ZNF99: variants seen among roughly 807,000 people sequenced by gnomAD.
ZNF99 encodes the protein zinc finger protein 99.
Under a neutral mutation model 12.8 loss-of-function variants are expected in ZNF99, and 8 were observed. That is an observed-to-expected ratio of 0.62 (90% CI 0.37 to 1.13). The LOEUF (loss-of-function observed/expected upper bound fraction) is 1.13. Ranked by LOEUF, ZNF99 falls within the 50% of genes most tolerant of loss-of-function variation. The probability of loss-of-function intolerance (pLI) is 0.02; values close to 1 mark genes in which losing one functional copy is unlikely to be tolerated. For synonymous variants in ZNF99, 318 were observed against 319.0 expected (o/e 1.00, Z 0.03); for missense variants, 1,007 against 1,006.2 (o/e 1.00, Z -0.01).
intron 3 of ZNF99, among the ~76,000 whole-genome samples, chr19:22,763,254 C>G (rs1292499565): frequency 2.6e-5 from 4 of 152,080 alleles, no homozygotes; most frequent in Non-Finnish European, 5.9e-5. Context: ...TTCAAGAAAG[C>G]TCCTAGAAGT....
At chr19:22,783,915 G>C in intron 1 of ZNF99, 99 bp downstream of exon 1, 3 of 1,468,870 alleles carry the variant, frequency 2.0e-6, no homozygotes, top group Non-Finnish European at 2.9e-6. Context: ...GCAGACTGTG[G>C]AGCTCACTGA....
At chr19:22,764,260 G>A (rs1973181767) in intron 3 of ZNF99, among the ~76,000 whole-genome samples, 1 of 151,996 alleles carries the variant, frequency 6.6e-6, no homozygotes, top group African/African-American at 2.4e-5. Context: ...ACATGTAGGA[G>A]AATAAAACTG....
rs888128784 is a variant in ZNF99 at position 22,755,938 on chromosome 19, C to T, written c.*1376G>A. The T allele has an allele frequency of 1.4e-5, 6 of 419,142 alleles. No homozygotes were observed. The highest frequency in any genetic ancestry group is 8.1e-5 in the African/African-American group (4 of 49,274). 26.0% of individuals were successfully genotyped at this position (419,142 alleles called of 1,614,324 possible). Reference sequence around the variant, plus strand: ...TGAGCAATGGTTAAAAGCTTTGTCACCTTTATTATATTTGTAGGGTTTTCC... The same window carrying T: ...TGAGCAATGGTTAAAAGCTTTGTCATCTTTATTATATTTGTAGGGTTTTCC... On this transcript the variant is annotated 3_prime_UTR_variant, in exon 4 of 4. Transcript: ENST00000596209.
In ZNF99 at chr19:22,753,086, A is replaced by C. The variant is rs1025924422; in HGVS notation, c.*4228T>G. The stretch of plus-strand genomic sequence containing the variant: ...TGCTTTCACATGTAAATAAAGTAGG[A>C]ATGAAGAGCATGAAGTAACTTGAGA... On this transcript the variant is annotated 3_prime_UTR_variant, in exon 4 of 4. Coordinates refer to ENST00000596209, the MANE Select transcript of ZNF99 (RefSeq NM_001080409.3). 1.3e-5 allele frequency: 2 copies of C among 152,146 alleles called. No homozygotes were observed. Among genetic ancestry groups the C allele is most frequent in the African/African-American group, 4.8e-5 (2 of 41,462 alleles). 9.4% of individuals were successfully genotyped at this position (152,146 alleles called of 1,614,324 possible). A position where few individuals can be genotyped will look rare whatever the true frequency, so the allele number is the denominator to read the frequency against.
chr19:22,759,232 T>C lies in ZNF99; in HGVS notation c.677A>G (p.Asp226Gly). The C allele has an allele frequency of 6.4e-7, 1 of 1,559,476 alleles. No individual in the cohort carries two copies. The highest frequency in any genetic ancestry group is 8.7e-7 in the Non-Finnish European group (1 of 1,152,700). Residue 226 changes from aspartate (D) to glycine (G), a missense_variant, in exon 4 of 4, where the codon GAC becomes GGC. Asp to Gly is a moderately conservative substitution (Grantham distance 94, BLOSUM62 -1). Transcript: ENST00000596209. Reference protein sequence around the residue: ...LIKHKIIHTEDKPYKYKKCGK... With the variant: ...LIKHKIIHTEGKPYKYKKCGK... ...ACATTTCTTATATTTGTAGGGTTTG[T>C]CTTCAGTATGAATTATCTTATGTTT...
chr19:22,770,120 G>GCC (rs1351890244), intron 1 of ZNF99: 5 of 845,234 alleles, frequency 5.9e-6, no homozygotes, highest in Non-Finnish European at 7.7e-6. Flanking sequence ...CCTGTTTTTG[G>GCC]CCCCAAAAGA....
chr19:22,767,835 T>G (rs1973221396), intron 3 of ZNF99, among the ~76,000 whole-genome samples: 1 of 152,162 alleles, frequency 6.6e-6, no homozygotes, highest in Non-Finnish European at 1.5e-5. Context: ...TTCAACAGAC[T>G]GTACAAGAAG....
chr19:22,769,430 T>C, intron 1 of ZNF99, 106 bp from the exon 2 acceptor site: 4 of 1,271,408 alleles, frequency 3.1e-6, no homozygotes, highest in Non-Finnish European at 4.3e-6. Flanking sequence ...AGGTTCTAAC[T>C]TACAGGGATG....
chr19:22,757,733 T>C lies in ZNF99; in HGVS notation c.2176A>G (p.Ile726Val). ...TTGTAGGGTTTCTCTCCAGTATGAATTATCTCATGTTTTCTAAGAGTTGAG... is the reference window on the plus strand; with the variant it reads ...TTGTAGGGTTTCTCTCCAGTATGAACTATCTCATGTTTTCTAAGAGTTGAG... ...QSSTLRKHEI[I>V]HTGEKPYKCE... Residue 726 changes from isoleucine (I) to valine (V), a missense_variant, in exon 4 of 4, where the codon ATT becomes GTT. Physicochemically the swap from Ile to Val is conservative, Grantham distance 29. Coordinates refer to ENST00000596209, the MANE Select transcript of ZNF99 (RefSeq NM_001080409.3). 3 of 1,612,384 alleles carry C rather than the reference T, an allele frequency of 1.9e-6. No individual in the cohort carries two copies. The highest frequency in any genetic ancestry group is 2.7e-5 in the African/African-American group (2 of 74,762).
At chr19:22,770,102 C>G in intron 1 of ZNF99, 1 of 976,480 alleles carries the variant, frequency 1.0e-6, no homozygotes, top group Non-Finnish European at 1.3e-6. Context: ...ACAAGCTCAC[C>G]AGTAATGCCT....
intron 3 of ZNF99, among the ~76,000 whole-genome samples, chr19:22,766,745 G>A (rs926717502): frequency 5.3e-5 from 8 of 150,848 alleles, no homozygotes; most frequent in Admixed American, 1.3e-4. Flanking sequence ...TCCGCCTCCC[G>A]GGTTCAAGCA....
rs955593071 is a variant in ZNF99, at chr19:22,753,088, T to C, written c.*4226A>G. The C allele has an allele frequency of 2.6e-5, 4 of 152,258 alleles. No individual in the cohort carries two copies. Among genetic ancestry groups the C allele is most frequent in the Admixed American group, 6.5e-5 (1 of 15,300 alleles). The allele number at this position is 152,258 out of a possible 1,614,324, so 9.4% of individuals were successfully genotyped here. On this transcript the variant is annotated 3_prime_UTR_variant, in exon 4 of 4. Coordinates refer to ENST00000596209, the MANE Select transcript of ZNF99 (RefSeq NM_001080409.3). ...CTTTCACATGTAAATAAAGTAGGAA[T>C]GAAGAGCATGAAGTAACTTGAGAGT... is the stretch of plus-strand genomic sequence containing the variant.
Position 22,757,401 on chromosome 19 carries a change from C to T in ZNF99, c.2508G>A (p.Lys836=). Residue 836 remains lysine (K), a synonymous_variant, in exon 4 of 4, where the codon AAG becomes AAA. Transcript: ENST00000596209. The part of the protein sequence containing the change: ...FQWSSKLTLH[K]VIHMERNPAN... ...CAGGGTTTCTCTCCATATGAATTAC[C>T]TTATGTAAAGTAAGTTTTGAGGACC... is the stretch of plus-strand genomic sequence containing the variant. 1 of 1,608,488 alleles carries T rather than the reference C, an allele frequency of 6.2e-7. No homozygotes were observed. Among genetic ancestry groups the T allele is most frequent in the South Asian group, 1.1e-5 (1 of 90,816 alleles).
chr19:22,757,863 A>G lies in ZNF99; in HGVS notation c.2046T>C (p.Cys682=). ...CTGAGAAATGGTTAAAAGCCTTGCCACATTCTTCACATTTGTAGGGTTTCT... is the reference window on the plus strand; with the variant it reads ...CTGAGAAATGGTTAAAAGCCTTGCCGCATTCTTCACATTTGTAGGGTTTCT... ...TEEKPYKCEE[C]GKAFNHFSAL... is the part of the protein sequence containing the mutation. Residue 682 remains cysteine, a synonymous_variant, in exon 4 of 4, where the codon TGT becomes TGC. Transcript: ENST00000596209. 24 of 1,612,302 alleles carry G rather than the reference A, an allele frequency of 1.5e-5. No homozygotes were observed. The highest frequency in any genetic ancestry group is 2.0e-5 in the Non-Finnish European group (24 of 1,178,952).
At chr19:22,771,371 T>C (rs892235583) in intron 1 of ZNF99, among the ~76,000 whole-genome samples, 3 of 137,490 alleles carry the variant, frequency 2.2e-5, no homozygotes, top group Non-Finnish European at 4.6e-5. Context: ...TTCTCCTACC[T>C]CAGCCTCCCG....
Position 22,756,874 on chromosome 19 carries a change from A to T in ZNF99, c.*440T>A. The T allele has an allele frequency of 6.2e-7, 1 of 1,611,932 alleles. No individual in the cohort carries two copies. The highest frequency in any genetic ancestry group is 8.5e-7 in the Non-Finnish European group (1 of 1,179,108). On this transcript the variant is annotated 3_prime_UTR_variant, in exon 4 of 4. Transcript: ENST00000596209. The stretch of plus-strand genomic sequence containing the variant: ...GCTTTGCCACATTCTTCACATTTGT[A>T]GGGTTTCTCTACAGTATGAATTACC...
At chr19:22,780,116 G>A (rs560582059) in intron 1 of ZNF99, among the ~76,000 whole-genome samples, 1 of 152,214 alleles carries the variant, frequency 6.6e-6, no homozygotes, top group South Asian at 2.1e-4. Context: ...CTGCAGAGAA[G>A]ACTCCCCAGA....
At chr19:22,780,001 T>G (rs897396724) in intron 1 of ZNF99, among the ~76,000 whole-genome samples, 3 of 152,220 alleles carry the variant, frequency 2.0e-5, no homozygotes, top group African/African-American at 7.2e-5. Context: ...CCCTTTCATC[T>G]TAACCTTAAC....
At position 22,757,293 on chromosome 19, in the gene ZNF99, A is replaced by G; in HGVS notation, c.*21T>C. 6.2e-7 allele frequency: 1 copy of G among 1,613,144 alleles called. No individual in the cohort carries two copies. Among genetic ancestry groups the G allele is most frequent in the South Asian group, 1.1e-5 (1 of 91,050 alleles). On this transcript the variant is annotated 3_prime_UTR_variant, in exon 4 of 4. Coordinates refer to ENST00000596209, the MANE Select transcript of ZNF99 (RefSeq NM_001080409.3). ...GCTTTGCCACATTCTTCACATTTGT[A>G]GGGTTTCTTTCCAGTATGAATTATC... is the stretch of plus-strand genomic sequence containing the variant.
Sources: allele counts gnomAD v4.1 joint callset (sites outside exome capture counted in the v4.1 genomes callset), GRCh38; gene constraint gnomAD v4.1.1; transcripts MANE v1.5; gene names NCBI Gene and HGNC (gene_info 2026-07-23, HGNC 2026-07-21).